ATP2A2: variants seen among roughly 807,000 people sequenced by gnomAD.
ATP2A2 encodes the protein sarcoplasmic/endoplasmic reticulum calcium ATPase 2.
A neutral mutation model predicts 109.3 loss-of-function variants in ATP2A2; 14 were observed. That is an observed-to-expected ratio of 0.13 (90% CI 0.08 to 0.20). ATP2A2 has a LOEUF of 0.20. ATP2A2 is among the 10% of genes least tolerant of loss of function. The pLI, the probability that ATP2A2 is intolerant of heterozygous loss-of-function variation, is 1.00. For synonymous variants in ATP2A2, 506 were observed against 490.9 expected (o/e 1.03, Z -0.41); for missense variants, 657 against 1,321.6 (o/e 0.50, Z 7.80).
At chr12:110,308,582 A>C (rs1875637001) in intron 5 of ATP2A2, among the ~76,000 whole-genome samples, 1 of 152,222 alleles carries the variant, frequency 6.6e-6, no homozygotes, top group African/African-American at 2.4e-5. Flanking sequence ...GTGACTGTAT[A>C]ACCTGGGCCA....
At chr12:110,335,376 G>A (rs1878745576) in intron 11 of ATP2A2, among the ~76,000 whole-genome samples, 1 of 152,180 alleles carries the variant, frequency 6.6e-6, no homozygotes, top group Admixed American at 6.5e-5. Context: ...TTAAGAACTT[G>A]AAGTGGACCA....
Position 110,347,551 on chromosome 12 carries a change from C to T in ATP2A2, c.*1081C>T, listed in dbSNP as rs970825875. The T allele has an allele frequency of 1.9e-5, 25 of 1,286,502 alleles. No homozygotes were observed. The highest frequency in any genetic ancestry group is 2.3e-5 in the Non-Finnish European group (23 of 986,866). The allele number at this position is 1,286,502 out of a possible 1,614,324, so 79.7% of individuals were successfully genotyped here. On this transcript the variant is annotated 3_prime_UTR_variant, in exon 20 of 20. Transcript: ENST00000539276. ...GTTTCTGCTGGCCTGGTATAGAGAA[C>T]ATAAGGGCAAGTGTGTATGTGTGTG...
intron 5 of ATP2A2, among the ~76,000 whole-genome samples, chr12:110,308,604 ATTTAT>A (rs1875640786): frequency 6.6e-6 from 1 of 152,212 alleles, no homozygotes; most frequent in Non-Finnish European, 1.5e-5. Flanking sequence ...ATAAATAGGT[ATTTAT>A]TTTATTAAGA....
chr12:110,347,848 G>A lies in ATP2A2; in HGVS notation c.*1378G>A, dbSNP rs1033349714. 2.0e-6 allele frequency: 2 copies of A among 1,018,448 alleles called. No homozygotes were observed. The highest frequency in any genetic ancestry group is 3.4e-5 in the African/African-American group (2 of 58,098). 63.1% of individuals were successfully genotyped at this position (1,018,448 alleles called of 1,614,324 possible). A position where few individuals can be genotyped will look rare whatever the true frequency, so the allele number is the denominator to read the frequency against. On this transcript the variant is annotated 3_prime_UTR_variant, in exon 20 of 20. Coordinates refer to ENST00000539276, the MANE Select transcript of ATP2A2 (RefSeq NM_170665.4). ...TTAGCCTAAAGGTGACTGCCACCAA[G>A]TGAGATAACTGTATGTCACTAACTT...
At chr12:110,295,820 CTATGA>C (rs1207816122) in intron 4 of ATP2A2, among the ~76,000 whole-genome samples, 3 of 152,128 alleles carry the variant, frequency 2.0e-5, no homozygotes, top group Non-Finnish European at 4.4e-5. Context: ...ACTGGCAGTG[CTATGA>C]TGAGAGTCCA....
At chr12:110,336,646 G>A (rs3026474) in intron 11 of ATP2A2, among the ~76,000 whole-genome samples, 4 of 152,276 alleles carry the variant, frequency 2.6e-5, no homozygotes, top group African/African-American at 7.2e-5. Context: ...TTAGTGTGAG[G>A]CAGCATTTTG....
chr12:110,350,414 A>C lies in ATP2A2; in HGVS notation c.*3944A>C. The C allele has an allele frequency of 6.3e-7, 1 of 1,579,484 alleles. No homozygotes were observed. The highest frequency in any genetic ancestry group is 8.7e-7 in the Non-Finnish European group (1 of 1,150,608). ...TGCATGACTGATGTTGGGGAAAAAG[A>C]AAAGTAAAAAACTTCCCAACTCACT... On this transcript the variant is annotated 3_prime_UTR_variant, in exon 20 of 20. Coordinates refer to ENST00000539276, the MANE Select transcript of ATP2A2 (RefSeq NM_170665.4).
chr12:110,311,414 C>T (rs555686803), intron 5 of ATP2A2, among the ~76,000 whole-genome samples: 3 of 151,682 alleles, frequency 2.0e-5, no homozygotes, highest in African/African-American at 7.3e-5. Context: ...ATGGTGAAAC[C>T]CCCGTCTCTA....
chr12:110,343,097 G>T lies in ATP2A2; in HGVS notation c.2319-135G>T, dbSNP rs1035892162. The T allele has an allele frequency of 1.1e-5, 10 of 919,122 alleles. No individual in the cohort carries two copies. The Admixed American group carries it at 1.2e-4, about 11-fold the overall frequency. 56.9% of individuals were successfully genotyped at this position (919,122 alleles called of 1,614,324 possible). A position where few individuals can be genotyped will look rare whatever the true frequency, so the allele number is the denominator to read the frequency against. ...AAAATTGAGCTTTAATTCAAAATTG[G>T]GTATAAGTATTTTACAGATTACCTG... On this transcript the variant is annotated intron_variant, in intron 15 of 19. Transcript: ENST00000539276.
At chr12:110,315,633 T>G (rs1876582622) in intron 5 of ATP2A2, among the ~76,000 whole-genome samples, 2 of 152,110 alleles carry the variant, frequency 1.3e-5, no homozygotes, top group Non-Finnish European at 2.9e-5. Context: ...GTTAGCAGTA[T>G]AGCGTATCCT....
intron 6 of ATP2A2, among the ~76,000 whole-genome samples, 190 bp downstream of exon 6, chr12:110,323,262 G>T (rs932022762): frequency 6.6e-6 from 1 of 152,184 alleles, no homozygotes; most frequent in Non-Finnish European, 1.5e-5. Context: ...GCGGCTCACT[G>T]CAGCCTCCGC....
chr12:110,305,834 A>G (rs1366914858), intron 5 of ATP2A2, among the ~76,000 whole-genome samples: 1 of 150,860 alleles, frequency 6.6e-6, no homozygotes, highest in African/African-American at 2.4e-5. Flanking sequence ...TATGGTCGTA[A>G]TATCAAGTCT....
intron 5 of ATP2A2, among the ~76,000 whole-genome samples, chr12:110,306,529 TGGAG>T (rs1225085811): frequency 6.6e-6 from 1 of 152,122 alleles, no homozygotes; most frequent in Non-Finnish European, 1.5e-5. Context: ...TCCCACTTTT[TGGAG>T]TGCCCAGTGT....
chr12:110,332,359 T>G (rs1053859290), intron 8 of ATP2A2: 6 of 524,632 alleles, frequency 1.1e-5, no homozygotes, highest in Admixed American at 3.1e-5. Context: ...GTGATGCTGT[T>G]TTTCATACTG....
At chr12:110,291,032 C>G (rs1469653223) in intron 3 of ATP2A2, among the ~76,000 whole-genome samples, 1 of 152,014 alleles carries the variant, frequency 6.6e-6, no homozygotes, top group African/African-American at 2.4e-5. Context: ...CCTCAGCCTC[C>G]TGAGTAGCTG....
At chr12:110,291,645 T>C (rs1227543503) in intron 3 of ATP2A2, among the ~76,000 whole-genome samples, 1 of 150,338 alleles carries the variant, frequency 6.7e-6, no homozygotes, top group African/African-American at 2.5e-5. Flanking sequence ...AGCCACTTTT[T>C]TTTTTTTTTT....
At chr12:110,296,106 T>C (rs767878909) in intron 4 of ATP2A2, 31 of 165,256 alleles carry the variant, frequency 1.9e-4, no homozygotes, top group Non-Finnish European at 3.6e-4. Flanking sequence ...GGTTGGGGTT[T>C]TTTTTGTTTT....
chr12:110,295,231 C>T (rs753014419), intron 4 of ATP2A2, among the ~76,000 whole-genome samples: 1 of 152,128 alleles, frequency 6.6e-6, no homozygotes, highest in Non-Finnish European at 1.5e-5. Context: ...GTCATAATCA[C>T]AGCTCACTCC....
chr12:110,344,144 G>C (rs537530339), intron 16 of ATP2A2, among the ~76,000 whole-genome samples: 1 of 152,234 alleles, frequency 6.6e-6, no homozygotes, highest in Admixed American at 6.5e-5. Flanking sequence ...CTGCTTGTCA[G>C]ATCCTTCCAT....
Sources: gnomAD v4.1 joint callset for allele counts (sites outside exome capture counted in the v4.1 genomes callset) on GRCh38, gnomAD v4.1.1 for gene constraint, MANE v1.5 for transcripts, NCBI Gene and HGNC (gene_info 2026-07-23, HGNC 2026-07-21) for gene names.